The following ZDHHC11B variants were observed in gnomAD, a reference collection of about 807,000 sequenced individuals.
ZDHHC11B encodes the protein probable palmitoyltransferase ZDHHC11B.
In ZDHHC11B, 17 loss-of-function variants were observed where a neutral mutation model predicts 42.3. The ratio of observed to expected loss-of-function variants is 0.40; its 90% CI spans 0.27 to 0.60. ZDHHC11B has a LOEUF of 0.60. Ranked by LOEUF, ZDHHC11B falls within the 20% of genes least tolerant of loss-of-function variation. The pLI, the probability that ZDHHC11B is intolerant of heterozygous loss-of-function variation, is 0.41. For missense variants in ZDHHC11B, 262 were observed against 463.2 expected, an observed-to-expected ratio of 0.57 and a Z score of 3.99; for synonymous variants, 123 against 193.5, an observed-to-expected ratio of 0.64 and a Z score of 3.02.
chr5:717,935 A>G (rs1741880042), intron 12 of ZDHHC11B, among the ~76,000 whole-genome samples: 1 of 151,812 alleles, frequency 6.6e-6, no homozygotes, highest in Non-Finnish European at 1.5e-5. Flanking sequence ...GTCTGCCACC[A>G]GATTATTGCA....
intron 4 of ZDHHC11B, among the ~76,000 whole-genome samples, chr5:760,289 G>A (rs1734429277): frequency 1.3e-5 from 2 of 151,828 alleles, no homozygotes; most frequent in Admixed American, 6.6e-5. Context: ...TAGGGTCTTT[G>A]CAGATAATCC....
At chr5:766,642 C>T (rs1735425945) in intron 4 of ZDHHC11B, 56 bp downstream of exon 4, 13 of 1,518,616 alleles carry the variant, frequency 8.6e-6, no homozygotes, top group Admixed American at 5.8e-5. Flanking sequence ...CCAGGTCCAT[C>T]GCAGGGTCCT....
intron 3 of ZDHHC11B, 88 bp downstream of exon 3, chr5:767,304 A>C (rs1735579025): frequency 7.0e-7 from 1 of 1,431,692 alleles, no homozygotes; most frequent in Non-Finnish European, 9.6e-7. Flanking sequence ...CCCTCTCCCC[A>C]CCCACACACA....
At chr5:775,783 C>A (rs1234575619) in intron 1 of ZDHHC11B, among the ~76,000 whole-genome samples, 1 of 151,722 alleles carries the variant, frequency 6.6e-6, no homozygotes, top group Non-Finnish European at 1.5e-5. Flanking sequence ...CTCTCCAACC[C>A]CTTCCTTCCA....
intron 12 of ZDHHC11B, among the ~76,000 whole-genome samples, chr5:723,143 CATAA>C (rs1449491550): frequency 6.6e-6 from 1 of 150,658 alleles, no homozygotes; most frequent in African/African-American, 2.5e-5. Context: ...CCTCCACTAT[CATAA>C]ATAAACAAAA....
intron 6 of ZDHHC11B, among the ~76,000 whole-genome samples, chr5:751,610 C>T (rs1297535025): frequency 1.6e-5 from 2 of 124,524 alleles, no homozygotes; most frequent in African/African-American, 2.6e-5. Context: ...ATCTGGAGCC[C>T]GCAGGGTGGA....
At chr5:777,497 G>C (rs1031117545) in intron 1 of ZDHHC11B, among the ~76,000 whole-genome samples, 67 of 151,962 alleles carry the variant, frequency 4.4e-4, no homozygotes, top group African/African-American at 1.6e-3. Context: ...AAGATTTATT[G>C]CTAAGAGCAA....
At position 766,907 on chromosome 5, in the gene ZDHHC11B, A is replaced by G. The variant is rs775982035; in HGVS notation, c.13T>C (p.Ser5Pro). The change falls in exon 4 of 14, where the codon TCC becomes CCC. Residue 5 changes from serine to proline, a missense_variant. Ser to Pro is a moderately conservative substitution (Grantham distance 74). Coordinates refer to ENST00000508859, the MANE Select transcript of ZDHHC11B (RefSeq NM_001351303.2). ...GGGGTGACGGAACACTGGCTCCCGG[A>G]GCGGGTGTCCATCTGCAGGACACAG... is the stretch of plus-strand genomic sequence containing the variant. Reference protein sequence around the residue: MDTRSGSQCSVTPEA... With the variant: MDTRPGSQCSVTPEA... 5 of 1,612,132 alleles carry G rather than the reference A, an allele frequency of 3.1e-6. No homozygotes were observed. Among genetic ancestry groups the G allele is most frequent in the South Asian group, 1.1e-5 (1 of 90,908 alleles).
At chr5:773,583 G>A (rs1736229472) in intron 1 of ZDHHC11B, among the ~76,000 whole-genome samples, 1 of 151,828 alleles carries the variant, frequency 6.6e-6, no homozygotes, top group East Asian at 1.9e-4. Context: ...TCCCAGGCCT[G>A]TGGCTTGCAT....
intron 1 of ZDHHC11B, among the ~76,000 whole-genome samples, chr5:783,999 C>G (rs1245545127): frequency 6.6e-6 from 1 of 151,350 alleles, no homozygotes; most frequent in Non-Finnish European, 1.5e-5. Context: ...CTCAGATCCT[C>G]GGGCGCTGCT....
rs1184005778 is a variant in ZDHHC11B, at chr5:716,633, G to A, written c.*7+168C>T. On this transcript the variant is annotated intron_variant, in intron 13 of 13. Coordinates refer to ENST00000508859, the MANE Select transcript of ZDHHC11B (RefSeq NM_001351303.2). The stretch of plus-strand genomic sequence containing the variant: ...TCGGCTGCCATGCACTACTTCTAAA[G>A]ATGGACACACGGTTCCTGTTCTGGG... Among the ~76,000 whole-genome samples, 7 of 151,740 alleles carry A rather than the reference G, an allele frequency of 4.6e-5. 1 individual carries two copies. The highest frequency in any genetic ancestry group is 7.4e-5 in the Non-Finnish European group (5 of 67,976).
At chr5:716,110 C>T (rs1003875196) in intron 13 of ZDHHC11B, among the ~76,000 whole-genome samples, 1 of 150,694 alleles carries the variant, frequency 6.6e-6, no homozygotes, top group African/African-American at 2.4e-5. Context: ...CAAGGTAACA[C>T]CTTAGAGAAA....
At chr5:720,848 C>T (rs1259345811) in intron 12 of ZDHHC11B, among the ~76,000 whole-genome samples, 1 of 151,584 alleles carries the variant, frequency 6.6e-6, no homozygotes, top group African/African-American at 2.4e-5. Context: ...TAGTGGCTTA[C>T]TCCTGTAATC....
intron 4 of ZDHHC11B, among the ~76,000 whole-genome samples, chr5:761,033 T>A (rs761426826): frequency 6.6e-6 from 1 of 151,850 alleles, no homozygotes; most frequent in African/African-American, 2.4e-5. Context: ...AGGCGGGCGC[T>A]GTGCTGACCT....
chr5:738,966 T>C (rs1417908804), intron 10 of ZDHHC11B, among the ~76,000 whole-genome samples: 2 of 150,936 alleles, frequency 1.3e-5, no homozygotes, highest in African/African-American at 2.5e-5. Flanking sequence ...TTTAAATAAG[T>C]ACCTTCTGCA....
intron 10 of ZDHHC11B, 119 bp downstream of exon 10, chr5:741,474 AT>A (rs1296871914): frequency 1.7e-6 from 1 of 594,688 alleles, no homozygotes; most frequent in Admixed American, 3.6e-5. Context: ...CTACTGCATC[AT>A]CCCATGATTT....
rs181854324 is a variant in ZDHHC11B, at chr5:757,337, G to A, written c.223-1193C>T. Among the ~76,000 whole-genome samples, 998 of 151,858 alleles carry A rather than the reference G, an allele frequency of 6.6e-3. 28 individuals carry two copies. Among genetic ancestry groups the A allele is most frequent in the African/African-American group, 0.022 (920 of 41,310 alleles). ...GGGTGAGGAAGAAGGTGCTGGCCAT[G>A]TGCAAAAAGCCACGTAGGGATTTTA... is the stretch of plus-strand genomic sequence containing the variant. On this transcript the variant is annotated intron_variant, in intron 4 of 13. Coordinates refer to ENST00000508859, the MANE Select transcript of ZDHHC11B (RefSeq NM_001351303.2).
rs886384456 is a variant in ZDHHC11B at position 733,488 on chromosome 5, G to A, written c.1023+264C>T. 2.0e-4 allele frequency among the ~76,000 whole-genome samples: 30 copies of A among 151,758 alleles called. 2 individuals carry two copies. Among genetic ancestry groups the A allele is most frequent in the African/African-American group, 6.1e-4 (25 of 41,218 alleles). The stretch of plus-strand genomic sequence containing the variant: ...CTGCCCTGGGCATCTGCCCATCACC[G>A]CAGCTTCTTGGTGGTGCTCCAGTGC... On this transcript the variant is annotated intron_variant, in intron 11 of 13. Coordinates refer to ENST00000508859, the MANE Select transcript of ZDHHC11B (RefSeq NM_001351303.2).
chr5:731,207 C>T (rs1742997720), intron 11 of ZDHHC11B, among the ~76,000 whole-genome samples: 1 of 150,828 alleles, frequency 6.6e-6, no homozygotes, highest in Admixed American at 6.6e-5. Flanking sequence ...ACTTCCAGTT[C>T]TCCAAACTCT....
Sources: gnomAD v4.1 joint callset for allele counts (sites outside exome capture counted in the v4.1 genomes callset) on GRCh38, gnomAD v4.1.1 for gene constraint, MANE v1.5 for transcripts, NCBI Gene and HGNC (gene_info 2026-07-23, HGNC 2026-07-21) for gene names.